Variants in THADA observed in about 807,000 individuals in gnomAD.
THADA encodes THADA armadillo repeat containing, also known as tRNA (32-2'-O)-methyltransferase regulator THADA.
THADA carries 213 observed loss-of-function variants against 219.8 expected under a neutral mutation model. The observed-to-expected ratio is 0.97, with a 90% CI of 0.87 to 1.09. THADA has a LOEUF of 1.09. THADA is among the 50% of genes least tolerant of loss of function. THADA has a pLI of 0.00. For synonymous variants in THADA, 1,018 were observed against 828.9 expected (o/e 1.23, Z -3.92); for missense variants, 2,956 against 2,311.3 (o/e 1.28, Z -5.72).
chr2:43,384,765 A>C (rs1672439172), intron 29 of THADA, among the ~76,000 whole-genome samples: 1 of 152,198 alleles, frequency 6.6e-6, no homozygotes, highest in Admixed American at 6.5e-5. Flanking sequence ...CAAGAGTTCA[A>C]GACCAGCCTA....
chr2:43,445,635 C>T (rs1681429039), intron 26 of THADA, among the ~76,000 whole-genome samples: 1 of 152,170 alleles, frequency 6.6e-6, no homozygotes, highest in African/African-American at 2.4e-5. Context: ...GTTTCCCTGC[C>T]GATCCTCTGT....
chr2:43,541,156 T>C lies in THADA; in HGVS notation c.3264+3A>G. 1 of 1,558,692 alleles carries C rather than the reference T, an allele frequency of 6.4e-7. No homozygotes were observed. Among genetic ancestry groups the C allele is most frequent in the Middle Eastern group, 1.7e-4 (1 of 5,804 alleles). ...TACATGGTGGAATAAACATGTGCCTTACCTGCTCCACCGTCAATAATCCAT... is the reference window on the plus strand; with the variant it reads ...TACATGGTGGAATAAACATGTGCCTCACCTGCTCCACCGTCAATAATCCAT... On this transcript the variant is annotated splice_donor_region_variant and intron_variant, in intron 21 of 37. Coordinates refer to ENST00000405975, the MANE Select transcript of THADA (RefSeq NM_022065.5).
At position 43,279,892 on chromosome 2, in the gene THADA, C is replaced by T; in HGVS notation, c.5169G>A (p.Leu1723=). 1 of 1,532,480 alleles carries T rather than the reference C, an allele frequency of 6.5e-7. No homozygotes were observed. Among genetic ancestry groups the T allele is most frequent in the Non-Finnish European group, 8.7e-7 (1 of 1,145,548 alleles). 94.9% of individuals were successfully genotyped at this position (1,532,480 alleles called of 1,614,324 possible). ...ACTTCCAGAGAGCAAGTGTATCCTG[C>T]AACTCTAAGAAGACCAAAAGGAATC... ...FLTNPHPILE[L]QDTLALWKCV... The change falls in exon 36 of 38, where the codon TTG becomes TTA. Residue 1723 remains leucine (L), a synonymous_variant. Coordinates refer to ENST00000405975, the MANE Select transcript of THADA (RefSeq NM_022065.5).
At chr2:43,293,622 G>A (rs1675010662) in intron 31 of THADA, among the ~76,000 whole-genome samples, 1 of 152,164 alleles carries the variant, frequency 6.6e-6, no homozygotes, top group African/African-American at 2.4e-5. Context: ...GAACCCTACA[G>A]TACCCTGGAG....
intron 29 of THADA, among the ~76,000 whole-genome samples, chr2:43,351,911 C>T (rs79532572): frequency 0.012 from 1,814 of 152,272 alleles, 14 homozygotes; most frequent in Middle Eastern, 0.024. Flanking sequence ...TGTCAAGGGC[C>T]CCCAACAAGG....
chr2:43,468,427 C>T (rs1684523609), intron 26 of THADA, among the ~76,000 whole-genome samples: 1 of 152,156 alleles, frequency 6.6e-6, no homozygotes, highest in Non-Finnish European at 1.5e-5. Context: ...TAACTAACTC[C>T]ATTTGGCTGA....
intron 7 of THADA, among the ~76,000 whole-genome samples, chr2:43,583,808 T>C (rs890380561): frequency 6.6e-6 from 1 of 151,986 alleles, no homozygotes; most frequent in Non-Finnish European, 1.5e-5. Flanking sequence ...TTTGGGGGAC[T>C]GGGGCAGGGG....
At chr2:43,442,444 A>C (rs1163346579) in intron 26 of THADA, among the ~76,000 whole-genome samples, 1 of 152,170 alleles carries the variant, frequency 6.6e-6, no homozygotes, top group South Asian at 2.1e-4. Flanking sequence ...GGAGTTGCAA[A>C]GACAGAAAAA....
chr2:43,386,534 T>C (rs1167886269), intron 29 of THADA, among the ~76,000 whole-genome samples: 1 of 152,224 alleles, frequency 6.6e-6, no homozygotes, highest in African/African-American at 2.4e-5. Context: ...GATTTACTAC[T>C]GACTTTCTAG....
At chr2:43,291,539 C>G (rs559468947) in intron 34 of THADA, among the ~76,000 whole-genome samples, 157 bp downstream of exon 34, 7 of 148,362 alleles carry the variant, frequency 4.7e-5, no homozygotes, top group African/African-American at 1.3e-4. Context: ...AAGTTATACT[C>G]GAATTGAAAA....
In THADA at chr2:43,574,562, C is replaced by T. The variant is rs973839785; in HGVS notation, c.1503G>A (p.Met501Ile). Residue 501 changes from methionine to isoleucine, a missense_variant, in exon 11 of 38, where the codon ATG becomes ATA. Met to Ile is a conservative substitution (Grantham distance 10). Coordinates refer to ENST00000405975, the MANE Select transcript of THADA (RefSeq NM_022065.5). ...TCAAATGACTCTTATGATTTCTAAA[C>T]ATGGTTTCCAAGAGGTCACTTGCAT... ...VPYASDLLET[M>I]FRNHKSHLKS... The T allele has an allele frequency of 1.1e-5, 17 of 1,614,008 alleles. No homozygotes were observed. The highest frequency in any genetic ancestry group is 1.0e-4 in the Admixed American group (6 of 60,020).
chr2:43,448,324 G>A (rs780413412), intron 26 of THADA, among the ~76,000 whole-genome samples: 1 of 152,116 alleles, frequency 6.6e-6, no homozygotes, highest in African/African-American at 2.4e-5. Flanking sequence ...GCCTCATGGC[G>A]GGCAACTATG....
At position 43,428,096 on chromosome 2, in the gene THADA, C is replaced by G; in HGVS notation, c.4058+4G>C. ...TAGACAATTTCTACACAGCATGACA[C>G]TACCTCATAATGAAGGGAACAAAAG... is the stretch of plus-strand genomic sequence containing the variant. On this transcript the variant is annotated splice_donor_region_variant and intron_variant, in intron 28 of 37. Transcript: ENST00000405975. 6.2e-7 allele frequency: 1 copy of G among 1,604,804 alleles called. No homozygotes were observed. Among genetic ancestry groups the G allele is most frequent in the South Asian group, 1.1e-5 (1 of 90,592 alleles).
Position 43,581,858 on chromosome 2 carries a change from T to C in THADA, c.604A>G (p.Met202Val), listed in dbSNP as rs749747632. The C allele has an allele frequency of 7.4e-6, 12 of 1,611,566 alleles. No homozygotes were observed. In the Admixed American group the frequency reaches 1.5e-4, roughly 20 times the overall value. Residue 202 changes from methionine (M) to valine (V), a missense_variant, in exon 8 of 38, where the codon ATG becomes GTG. Physicochemically the swap from Met to Val is conservative, Grantham distance 21. Transcript: ENST00000405975. ...NDLLVGIRVSMMLVQKVQDFQ... is the reference protein window; with the variant it reads ...NDLLVGIRVSVMLVQKVQDFQ... ...TCTTGTACTTTCTGTACTAACATCA[T>C]TGAAACTCTAATGCCTACCAGTAAG...
chr2:43,581,710 A>G (rs1203450381), intron 8 of THADA, 31 bp downstream of exon 8: 5 of 1,574,212 alleles, frequency 3.2e-6, no homozygotes, highest in Non-Finnish European at 4.3e-6. Flanking sequence ...TGTCAATTAT[A>G]TATCATTTGT....
rs752438267 is a variant in THADA, at chr2:43,571,779, C to G, written c.1992G>C (p.Gln664His). The G allele has an allele frequency of 1.9e-6, 3 of 1,613,782 alleles. No individual in the cohort carries two copies. Among genetic ancestry groups the G allele is most frequent in the Admixed American group, 3.3e-5 (2 of 60,024 alleles). The change falls in exon 13 of 38, where the codon CAG becomes CAC. Residue 664 changes from glutamine to histidine, a missense_variant. Transcript: ENST00000405975. Reference sequence around the variant, plus strand: ...TGTTAAGATTGTATGTAATAAAGAACTGAATCCACTGCATTTCTTCCATGG... The same window carrying G: ...TGTTAAGATTGTATGTAATAAAGAAGTGAATCCACTGCATTTCTTCCATGG... ...IVSMEEMQWI[Q>H]FFITYNLNSQ... is the part of the protein sequence containing the mutation.
intron 30 of THADA, among the ~76,000 whole-genome samples, chr2:43,337,462 C>T (rs1457051677): frequency 6.6e-6 from 1 of 152,116 alleles, no homozygotes; most frequent in Non-Finnish European, 1.5e-5. Context: ...TCTCCTCATA[C>T]GAAGCTTGGC....
intron 28 of THADA, among the ~76,000 whole-genome samples, chr2:43,406,423 T>C (rs1675540080): frequency 6.6e-6 from 1 of 152,246 alleles, no homozygotes. Context: ...GAAAATTACA[T>C]TTCATTTGAA....
At chr2:43,478,150 A>T (rs1396888547) in intron 26 of THADA, among the ~76,000 whole-genome samples, 1 of 152,188 alleles carries the variant, frequency 6.6e-6, no homozygotes, top group Admixed American at 6.5e-5. Context: ...TTTTGTATAT[A>T]CCAGGATGCC....
Sources: allele counts gnomAD v4.1 joint callset (sites outside exome capture counted in the v4.1 genomes callset), GRCh38; gene constraint gnomAD v4.1.1; transcripts MANE v1.5; gene names NCBI Gene and HGNC (gene_info 2026-07-23, HGNC 2026-07-21).